KLF17: variants seen among roughly 807,000 people sequenced by gnomAD.
KLF17 encodes KLF transcription factor 17, also known as Krueppel-like factor 17.
KLF17 carries 31 observed loss-of-function variants against 34.2 expected under a neutral mutation model. The observed-to-expected ratio is 0.91, with a 90% CI of 0.68 to 1.22. The LOEUF is 1.22. KLF17 is among the 50% of genes most tolerant of loss of function. KLF17 has a pLI of 0.00. For synonymous variants in KLF17, 179 were observed against 186.7 expected (o/e 0.96, Z 0.34); for missense variants, 478 against 505.2 (o/e 0.95, Z 0.52).
the KLF17 span, among the ~76,000 whole-genome samples, chr1:44,099,909 GAA>G: frequency 1.5e-4 from 8 of 54,152 alleles, 1 homozygote; most frequent in East Asian, 1.2e-3. Context: ...AAGAAAGAAA[GAA>G]AGAAAGAAAA....
chr1:44,065,022 C>T, the KLF17 span, among the ~76,000 whole-genome samples: 1 of 152,334 alleles, frequency 6.6e-6, no homozygotes, highest in South Asian at 2.1e-4. Flanking sequence ...GGCGTGGTGG[C>T]TCACGCCTGT....
the KLF17 span, among the ~76,000 whole-genome samples, chr1:44,074,234 T>C: frequency 4.6e-5 from 7 of 152,130 alleles, no homozygotes; most frequent in African/African-American, 1.7e-4. Context: ...TCACCCCATG[T>C]GTACCCATCT....
the KLF17 span, among the ~76,000 whole-genome samples, chr1:44,087,534 G>A: frequency 2.0e-5 from 3 of 151,276 alleles, no homozygotes; most frequent in African/African-American, 7.3e-5. Context: ...AAAGTGCTGG[G>A]ATTATAGGTG....
At chr1:44,060,787 G>A in the KLF17 span, among the ~76,000 whole-genome samples, 1 of 152,294 alleles carries the variant, frequency 6.6e-6, no homozygotes, top group Non-Finnish European at 1.5e-5. Flanking sequence ...AGAGTCCCTA[G>A]ACTTTTTGGC....
At chr1:44,125,780 T>C (rs1409780118) in intron 1 of KLF17, among the ~76,000 whole-genome samples, 2 of 152,110 alleles carry the variant, frequency 1.3e-5, no homozygotes, top group Non-Finnish European at 2.9e-5. Context: ...AACTGTTTTA[T>C]TATAATGTTT....
At chr1:44,044,172 G>A in the KLF17 span, among the ~76,000 whole-genome samples, 1 of 152,180 alleles carries the variant, frequency 6.6e-6, no homozygotes, top group South Asian at 2.1e-4. Flanking sequence ...GAACAGCTCT[G>A]TGACCCTGAC....
chr1:44,060,854 G>A, the KLF17 span, among the ~76,000 whole-genome samples: 1 of 152,214 alleles, frequency 6.6e-6, no homozygotes, highest in South Asian at 2.1e-4. Context: ...GAACAAGGTA[G>A]AGTCTGTGCA....
chr1:44,128,674 G>A (rs1444732360), intron 1 of KLF17, among the ~76,000 whole-genome samples: 3 of 152,058 alleles, frequency 2.0e-5, no homozygotes, highest in Non-Finnish European at 4.4e-5. Flanking sequence ...TTCTGCACCC[G>A]TTCTGCTGGT....
chr1:44,051,699 T>C, the KLF17 span, among the ~76,000 whole-genome samples: 3 of 152,210 alleles, frequency 2.0e-5, no homozygotes, highest in African/African-American at 7.2e-5. Flanking sequence ...CTAAGATGTA[T>C]GTTTTGTTGG....
At chr1:44,070,104 T>C in the KLF17 span, among the ~76,000 whole-genome samples, 1 of 152,176 alleles carries the variant, frequency 6.6e-6, no homozygotes. Flanking sequence ...TTAGTTCTTG[T>C]CTGTAGCCTA....
chr1:44,085,532 C>A, the KLF17 span, among the ~76,000 whole-genome samples: 2 of 152,044 alleles, frequency 1.3e-5, no homozygotes, highest in Admixed American at 6.6e-5. Flanking sequence ...GTGGCTCACG[C>A]CTATAATCCC....
chr1:44,066,669 A>T, the KLF17 span, among the ~76,000 whole-genome samples: 2 of 152,244 alleles, frequency 1.3e-5, no homozygotes, highest in Non-Finnish European at 2.9e-5. Context: ...ACTCTTGGAT[A>T]TATACCCAGG....
intron 1 of KLF17, among the ~76,000 whole-genome samples, chr1:44,120,521 C>T (rs1174799547): frequency 2.0e-5 from 3 of 152,102 alleles, no homozygotes; most frequent in Non-Finnish European, 4.4e-5. Context: ...AGAGTTCAAG[C>T]GAGGAGTCTG....
chr1:44,049,799 T>A, the KLF17 span, among the ~76,000 whole-genome samples: 1 of 152,260 alleles, frequency 6.6e-6, no homozygotes, highest in Non-Finnish European at 1.5e-5. Context: ...TTGTTTTCAA[T>A]CTATAAGGTT....
chr1:44,127,625 T>TTTTC (rs1252888482), intron 1 of KLF17, among the ~76,000 whole-genome samples: 39 of 63,608 alleles, frequency 6.1e-4, no homozygotes, highest in African/African-American at 2.0e-3. Flanking sequence ...TTTTCTTTTC[T>TTTTC]TTTCTTTTCT....
Position 44,130,756 on chromosome 1 carries a change from G to A in KLF17, c.1170G>A (p.Ter390=). ...EQDSPPAAGP[*] ...ACAGTCCTCCTGCTGCTGGTCCTTAGGTCAGTCTCCTCTCCTCATTCTGGG... is the reference window on the plus strand; with the variant it reads ...ACAGTCCTCCTGCTGCTGGTCCTTAAGTCAGTCTCCTCTCCTCATTCTGGG... The change falls in exon 3 of 4, where the codon TAG becomes TAA. Residue 390 remains the stop codon, a splice_region_variant and stop_retained_variant. Coordinates refer to ENST00000372299, the MANE Select transcript of KLF17 (RefSeq NM_173484.4). The A allele has an allele frequency of 6.2e-7, 1 of 1,613,792 alleles. No individual in the cohort carries two copies.
intron 1 of KLF17, among the ~76,000 whole-genome samples, chr1:44,124,579 C>T (rs560342109): frequency 6.6e-6 from 1 of 151,158 alleles, no homozygotes; most frequent in Non-Finnish European, 1.5e-5. Flanking sequence ...ACTGCAGGCT[C>T]CGCCCCCGGG....
chr1:44,069,512 G>GAGAGAGAGA, the KLF17 span, among the ~76,000 whole-genome samples: 2,996 of 113,816 alleles, frequency 0.026, 59 homozygotes, highest in Non-Finnish European at 0.033. The surrounding 1 kb of genome is among the most constrained non-coding windows in gnomAD (Gnocchi z 4.7). Context: ...GAGAGAGAGA[G>GAGAGAGAGA]AAGACAGGAG....
the KLF17 span, among the ~76,000 whole-genome samples, chr1:44,100,272 AAG>A: frequency 9.8e-4 from 144 of 146,786 alleles, 1 homozygote; most frequent in Middle Eastern, 3.6e-3. Context: ...AAAAAAAAAA[AAG>A]AGAGAGAGAG....
Sources: gnomAD v4.1 joint callset for allele counts (sites outside exome capture counted in the v4.1 genomes callset) on GRCh38, gnomAD v4.1.1 for gene constraint, Gnocchi (gnomAD v3.1) non-coding constraint, MANE v1.5 for transcripts, NCBI Gene and HGNC (gene_info 2026-07-23, HGNC 2026-07-21) for gene names.